The following MKS1 variants were observed in gnomAD, a reference collection of about 807,000 sequenced individuals.
MKS1 encodes the protein MKS transition zone complex subunit 1, also known as tectonic-like complex member MKS1.
A neutral mutation model predicts 83.7 loss-of-function variants in MKS1; 70 were observed. The ratio of observed to expected loss-of-function variants is 0.84; its 90% CI spans 0.69 to 1.02. MKS1 has a LOEUF of 1.02. MKS1 is among the 50% of genes least tolerant of loss of function. The pLI is 0.00. For missense variants in MKS1, 681 were observed against 726.9 expected (o/e 0.94, Z 0.73); for synonymous variants, 251 against 273.4 (o/e 0.92, Z 0.81).
Position 58,213,095 on chromosome 17 carries a change from A to G in MKS1, c.750-5T>C. 21 of 1,613,926 alleles carry G rather than the reference A, an allele frequency of 1.3e-5. No individual in the cohort carries two copies. The highest frequency in any genetic ancestry group is 1.7e-5 in the Non-Finnish European group (20 of 1,179,778). On this transcript the variant is annotated splice_region_variant and splice_polypyrimidine_tract_variant and intron_variant, in intron 7 of 17. Transcript: ENST00000393119. Reference sequence around the variant, plus strand: ...TTCTCCCCCTCCGTCTCAATCCTGTAAGGTCAAAACCACAGAAAGGAGCAA... The same window carrying G: ...TTCTCCCCCTCCGTCTCAATCCTGTGAGGTCAAAACCACAGAAAGGAGCAA...
chr17:58,213,912 C>T (rs1017914935), intron 6 of MKS1, 43 bp from the exon 7 acceptor site: 1 of 1,513,050 alleles, frequency 6.6e-7, no homozygotes, highest in African/African-American at 1.4e-5. Flanking sequence ...AATGGTCCTT[C>T]AGGGAAACAA....
At position 58,212,983 on chromosome 17, in the gene MKS1, T is replaced by A; in HGVS notation, c.857A>T (p.Asp286Val). ...TACTTGGAATGAACTTGCGCTTACATCCTTGAACACTCGCCGTTCCCGCTC... is the reference window on the plus strand; with the variant it reads ...TACTTGGAATGAACTTGCGCTTACAACCTTGAACACTCGCCGTTCCCGCTC... Reference protein sequence around the residue: ...EEERERRVFKDLYGRHKEYLS... With the variant: ...EEERERRVFKVLYGRHKEYLS... Residue 286 changes from aspartate to valine, a missense_variant and splice_region_variant, in exon 8 of 18, where the codon GAT becomes GTT. Coordinates refer to ENST00000393119, the MANE Select transcript of MKS1 (RefSeq NM_017777.4). The A allele has an allele frequency of 1.2e-6, 2 of 1,613,968 alleles. No individual in the cohort carries two copies. The highest frequency in any genetic ancestry group is 1.7e-6 in the Non-Finnish European group (2 of 1,179,874).
chr17:58,211,727 T>C (rs1032568478), intron 9 of MKS1, among the ~76,000 whole-genome samples: 2 of 81,664 alleles, frequency 2.4e-5, no homozygotes, highest in Admixed American at 4.1e-4. Flanking sequence ...CATGCCTTGC[T>C]AATTTTTTTT....
chr17:58,210,952 A>G lies in MKS1; in HGVS notation c.958+28T>C, dbSNP rs566299216. 21 of 1,610,650 alleles carry G rather than the reference A, an allele frequency of 1.3e-5. No homozygotes were observed. In the South Asian group the frequency reaches 1.9e-4, roughly 14 times the overall value. ...CCATCTAGGCACGTGCCTAAGCATC[A>G]AGAGATCTATGCTAGCAAGACACTT... On this transcript the variant is annotated intron_variant, in intron 10 of 17. Transcript: ENST00000393119.
chr17:58,206,260 G>C (rs1968498084), intron 17 of MKS1, 23 bp downstream of exon 17: 1 of 1,613,860 alleles, frequency 6.2e-7, no homozygotes, highest in African/African-American at 1.3e-5. Flanking sequence ...ACCTGGGGTG[G>C]CCAGCTGGGG....
rs776327904 is a variant in MKS1, at chr17:58,211,141, C to T, written c.916-119G>A. The T allele has an allele frequency of 6.2e-5, 57 of 924,724 alleles. 1 individual carries two copies. Among genetic ancestry groups the T allele is most frequent in the Non-Finnish European group, 9.3e-5 (53 of 570,710 alleles). 57.3% of individuals were successfully genotyped at this position (924,724 alleles called of 1,614,324 possible). A position where few individuals can be genotyped will look rare whatever the true frequency, so the allele number is the denominator to read the frequency against. ...ACTAGGGGTCAGGCCCTGGGTGTCA[C>T]TACTGCACTTTCTCCCCACCCTGAC... On this transcript the variant is annotated intron_variant, in intron 9 of 17. Coordinates refer to ENST00000393119, the MANE Select transcript of MKS1 (RefSeq NM_017777.4).
chr17:58,211,049 T>A (rs757938284), intron 9 of MKS1, 27 bp from the exon 10 acceptor site: 1 of 1,612,320 alleles, frequency 6.2e-7, no homozygotes, highest in South Asian at 1.1e-5. Flanking sequence ...TGGGAAAGGA[T>A]CAGCAGGCCT....
chr17:58,214,232 A>G (rs1262995941), intron 6 of MKS1, 27 bp downstream of exon 6: 2 of 1,614,000 alleles, frequency 1.2e-6, no homozygotes, highest in Non-Finnish European at 1.7e-6. Flanking sequence ...ATGAGGCTCT[A>G]AGCTGGCAGT....
At chr17:58,215,923 C>T in intron 4 of MKS1, 165 bp downstream of exon 4, 1 of 829,264 alleles carries the variant, frequency 1.2e-6, no homozygotes, top group Non-Finnish European at 2.0e-6. Flanking sequence ...TAGACTGTGC[C>T]CATTCTATTC....
chr17:58,206,967 G>T (rs1487257721), intron 15 of MKS1, 118 bp downstream of exon 15: 1 of 1,424,836 alleles, frequency 7.0e-7, no homozygotes, highest in African/African-American at 1.4e-5. Flanking sequence ...GCCACAGGAA[G>T]GAAGGGGTTA....
Position 58,206,634 on chromosome 17 carries a change from C to T in MKS1, c.1408-87G>A, listed in dbSNP as rs576021638. The T allele has an allele frequency of 1.3e-4, 168 of 1,324,266 alleles. No individual in the cohort carries two copies. In the African/African-American group the frequency reaches 2.1e-3, roughly 17 times the overall value. The allele number at this position is 1,324,266 out of a possible 1,614,324, so 82.0% of individuals were successfully genotyped here. A position where few individuals can be genotyped will look rare whatever the true frequency, so the allele number is the denominator to read the frequency against. On this transcript the variant is annotated intron_variant, in intron 15 of 17. Transcript: ENST00000393119. ...CTGGCCTCACCCCCATTCTTATTCC[C>T]ATTCTTGGGAAGCGCAGTTCTGTTG...
chr17:58,215,317 TG>T lies in MKS1; in HGVS notation c.418-480del, dbSNP rs570401410. On this transcript the variant is annotated intron_variant, in intron 4 of 17. Coordinates refer to ENST00000393119, the MANE Select transcript of MKS1 (RefSeq NM_017777.4). ...GGGTCTCACCCAGGCTGCAGTGCAG[TG>T]GTGCTATCATAGCTCACTGCAACCT... Among the ~76,000 whole-genome samples, 709 of 152,282 alleles carry T rather than the reference TG, an allele frequency of 4.7e-3. 2 individuals are homozygous for T. Among genetic ancestry groups the T allele is most frequent in the Non-Finnish European group, 6.3e-3 (431 of 68,016 alleles).
In MKS1 at chr17:58,210,789, C is replaced by T. The variant is rs375732736; in HGVS notation, c.959-65G>A. 1,480 of 1,526,236 alleles carry T rather than the reference C, an allele frequency of 9.7e-4. 4 individuals are homozygous for T. In the Middle Eastern group the frequency reaches 0.012, roughly 13 times the overall value. 94.5% of individuals were successfully genotyped at this position (1,526,236 alleles called of 1,614,324 possible). A position where few individuals can be genotyped will look rare whatever the true frequency, so the allele number is the denominator to read the frequency against. ...TACCACCCTTAGCACCCAACCCAATCCTGAGGGGCCTACACACCCTGAGAG... is the reference window on the plus strand; with the variant it reads ...TACCACCCTTAGCACCCAACCCAATTCTGAGGGGCCTACACACCCTGAGAG... On this transcript the variant is annotated intron_variant, in intron 10 of 17. Coordinates refer to ENST00000393119, the MANE Select transcript of MKS1 (RefSeq NM_017777.4).
rs1214076500 is a variant in MKS1 at position 58,208,124 on chromosome 17, G to C, written c.1146C>G (p.Leu382=). 6.2e-7 allele frequency: 1 copy of C among 1,613,874 alleles called. No homozygotes were observed. Among genetic ancestry groups the C allele is most frequent in the South Asian group, 1.1e-5 (1 of 91,070 alleles). The part of the protein sequence containing the change: ...SYPFTFEAFF[L]HEDESSDALP... ...ACTCACCAGAAGATTCATCCTCATG[G>C]AGGAAGAAGGCTTCAAACGTGAATG... Residue 382 remains leucine (L), a synonymous_variant, in exon 13 of 18, where the codon CTC becomes CTG. Transcript: ENST00000393119.
intron 7 of MKS1, 84 bp from the exon 8 acceptor site, chr17:58,213,174 T>A: frequency 7.7e-7 from 1 of 1,295,402 alleles, no homozygotes; most frequent in Non-Finnish European, 1.1e-6. Context: ...GGATGAGCGA[T>A]CAGGGGCCAT....
chr17:58,206,539 G>A lies in MKS1; in HGVS notation c.1416C>T (p.Arg472=), dbSNP rs1421301211. 33 of 1,612,710 alleles carry A rather than the reference G, an allele frequency of 2.0e-5. No individual in the cohort carries two copies. Among genetic ancestry groups the A allele is most frequent in the Non-Finnish European group, 2.8e-5 (33 of 1,179,994 alleles). Residue 472 remains arginine, a synonymous_variant, in exon 16 of 18, where the codon CGC becomes CGT. Transcript: ENST00000393119. The part of the protein sequence containing the change: ...VRIPGSFKGE[R]LSRFGLRTET... Reference sequence around the variant, plus strand: ...CTGTGCGGAGTCCAAAGCGGCTCAGGCGTTCCCCCTGTGGCATGCCATTGG... The same window carrying A: ...CTGTGCGGAGTCCAAAGCGGCTCAGACGTTCCCCCTGTGGCATGCCATTGG...
chr17:58,207,439 G>A lies in MKS1; in HGVS notation c.1274-221C>T, dbSNP rs1968589705. 4.8e-6 allele frequency: 3 copies of A among 630,002 alleles called. No individual in the cohort carries two copies. In the African/African-American group the frequency reaches 5.5e-5, roughly 12 times the overall value. The allele number at this position is 630,002 out of a possible 1,614,324, so 39.0% of individuals were successfully genotyped here. ...CTGCCAGTTATTACCTGCATACCCA[G>A]GACAGGTTTCTTAACCTCTCTGAAG... On this transcript the variant is annotated intron_variant, in intron 14 of 17. Transcript: ENST00000393119.
intron 2 of MKS1, 103 bp downstream of exon 2, chr17:58,218,517 A>G: frequency 1.2e-6 from 1 of 860,208 alleles, no homozygotes; most frequent in Admixed American, 2.0e-5. Context: ...GCAACTCTAT[A>G]ACATATCAGA....
Position 58,207,189 on chromosome 17 carries a change from T to C in MKS1, c.1303A>G (p.Arg435Gly). 2.5e-6 allele frequency: 4 copies of C among 1,614,088 alleles called. No individual in the cohort carries two copies. The highest frequency in any genetic ancestry group is 3.4e-6 in the Non-Finnish European group (4 of 1,180,030). Residue 435 changes from arginine (R) to glycine (G), a missense_variant, in exon 15 of 18, where the codon AGA (arginine) becomes GGA (glycine). Around this residue, in one of 3 missense-constraint regions of MKS1, gnomAD observed 310 missense variants for 321.7 expected, o/e 0.96. Transcript: ENST00000393119. ...GSHTLTVSTW[R>G]PVELGTVAEL... Reference sequence around the variant, plus strand: ...GCCACCGTGCCAAGCTCCACAGGTCTCCACGTGGAGACTGTCAGGGTGTGT... The same window carrying C: ...GCCACCGTGCCAAGCTCCACAGGTCCCCACGTGGAGACTGTCAGGGTGTGT...
Sources: gnomAD v4.1 joint callset for allele counts (sites outside exome capture counted in the v4.1 genomes callset) on GRCh38, gnomAD v4.1.1 for gene constraint, gnomAD v4.1.1 regional missense constraint, MANE v1.5 for transcripts, NCBI Gene and HGNC (gene_info 2026-07-23, HGNC 2026-07-21) for gene names.